The following DAB1 variants were observed in gnomAD, a reference collection of about 807,000 sequenced individuals.
The protein encoded by DAB1 is disabled homolog 1.
Under a neutral mutation model 64.6 loss-of-function variants are expected in DAB1, and 15 were observed. That is an observed-to-expected ratio of 0.23 (90% CI 0.16 to 0.36). DAB1 has a LOEUF of 0.36. DAB1 is among the 10% of genes least tolerant of loss of function. The pLI is 1.00. For missense variants in DAB1, 596 were observed against 706.7 expected, an observed-to-expected ratio of 0.84 and a Z score of 1.78; for synonymous variants, 235 against 251.9, an observed-to-expected ratio of 0.93 and a Z score of 0.64.
intron 3 of DAB1, among the ~76,000 whole-genome samples, chr1:58,346,256 C>G (rs1267370801): frequency 6.6e-6 from 1 of 152,238 alleles, no homozygotes; most frequent in Non-Finnish European, 1.5e-5. Flanking sequence ...GCCCCTGTGC[C>G]ATCACCCACT....
At chr1:58,197,963 G>C (rs893683156) in intron 4 of DAB1, among the ~76,000 whole-genome samples, 3 of 152,210 alleles carry the variant, frequency 2.0e-5, no homozygotes, top group Admixed American at 6.5e-5. Flanking sequence ...AAGTTTGATT[G>C]AGATTCCCAA....
intron 2 of DAB1, among the ~76,000 whole-genome samples, chr1:58,508,289 T>G (rs1393674736): frequency 6.6e-6 from 1 of 152,178 alleles, no homozygotes; most frequent in African/African-American, 2.4e-5. Flanking sequence ...ATGAGTATTT[T>G]ATTTACATTT....
In DAB1 at chr1:58,207,792, G is replaced by GA. The variant is rs144872866; in HGVS notation, n.310-57205dup. Among the ~76,000 whole-genome samples, 300 of 152,006 alleles carry GA rather than the reference G, an allele frequency of 2.0e-3. 1 individual carries two copies. Among genetic ancestry groups the GA allele is most frequent in the Admixed American group, 4.0e-3 (61 of 15,284 alleles). On this transcript the variant is annotated intron_variant and non_coding_transcript_variant, in intron 4 of 20. Coordinates refer to the DAB1 transcript ENST00000485760. The stretch of plus-strand genomic sequence containing the variant: ...TCTGTCCTGAAAAGACATATTTCAT[G>GA]AAAAAAAATGCAATCTTAGAGTCTG...
chr1:57,924,538 C>A (rs1458407526), intron 5 of DAB1, among the ~76,000 whole-genome samples: 5 of 151,910 alleles, frequency 3.3e-5, no homozygotes, highest in Admixed American at 2.6e-4. Flanking sequence ...CGGCTCACTG[C>A]AACCTCTGCC....
intron 4 of DAB1, among the ~76,000 whole-genome samples, chr1:58,238,466 A>T (rs55933036): frequency 0.017 from 2,517 of 152,280 alleles, 69 homozygotes; most frequent in African/African-American, 0.057. Flanking sequence ...GAATAGATGG[A>T]GTCCAGAGGA....
chr1:58,383,583 C>A (rs1179443731), intron 3 of DAB1, among the ~76,000 whole-genome samples: 1 of 150,588 alleles, frequency 6.6e-6, no homozygotes, highest in East Asian at 1.9e-4. Flanking sequence ...TGGTTTCATA[C>A]ATACATTTTT....
chr1:57,447,415 C>A (rs1686182509), intron 7 of DAB1, among the ~76,000 whole-genome samples: 1 of 152,194 alleles, frequency 6.6e-6, no homozygotes, highest in Non-Finnish European at 1.5e-5. Context: ...GCAGACTTAT[C>A]TCTCTCTGGG....
chr1:58,496,769 A>C (rs577996256), intron 3 of DAB1, among the ~76,000 whole-genome samples: 4 of 152,318 alleles, frequency 2.6e-5, no homozygotes, highest in African/African-American at 9.6e-5. Context: ...GAATAAGATA[A>C]AAGTGTCTGC....
intron 2 of DAB1, among the ~76,000 whole-genome samples, chr1:57,210,819 G>A (rs568036703): frequency 2.0e-5 from 3 of 152,304 alleles, no homozygotes; most frequent in East Asian, 3.9e-4. Flanking sequence ...ATTTAAAAAC[G>A]GGGCCAGATG....
At chr1:57,989,231 G>C (rs889244140) in intron 5 of DAB1, among the ~76,000 whole-genome samples, 3 of 152,088 alleles carry the variant, frequency 2.0e-5, no homozygotes, top group Admixed American at 2.0e-4. Flanking sequence ...GAGCCTGATA[G>C]GTAATTACCT....
At chr1:57,412,050 T>C (rs1684156009) in intron 1 of DAB1, among the ~76,000 whole-genome samples, 1 of 152,232 alleles carries the variant, frequency 6.6e-6, no homozygotes, top group Non-Finnish European at 1.5e-5. Context: ...GCTTCAAGCG[T>C]TTTCATTATT....
intron 2 of DAB1, among the ~76,000 whole-genome samples, chr1:57,206,866 G>T (rs528869063): frequency 2.0e-5 from 3 of 150,744 alleles, no homozygotes; most frequent in Non-Finnish European, 4.4e-5. Flanking sequence ...GGGTGTGAGT[G>T]TTATGCCATG....
intron 7 of DAB1, among the ~76,000 whole-genome samples, chr1:57,522,737 T>C (rs1049925310): frequency 2.6e-5 from 4 of 152,208 alleles, no homozygotes; most frequent in African/African-American, 9.6e-5. Flanking sequence ...TTTGAGTCAG[T>C]AGACTGGGAG....
chr1:57,266,579 A>G (rs1570105668), intron 2 of DAB1, among the ~76,000 whole-genome samples: 1 of 152,174 alleles, frequency 6.6e-6, no homozygotes, highest in African/African-American at 2.4e-5. Flanking sequence ...GGTGCTTATC[A>G]TACTGGACTA....
intron 7 of DAB1, among the ~76,000 whole-genome samples, chr1:57,519,801 C>G (rs1472148235): frequency 6.6e-6 from 1 of 152,120 alleles, no homozygotes; most frequent in African/African-American, 2.4e-5. Flanking sequence ...GGAATATAAT[C>G]CCCCGGCACT....
At chr1:57,048,204 G>T (rs1361783224) in intron 9 of DAB1, among the ~76,000 whole-genome samples, 1 of 152,132 alleles carries the variant, frequency 6.6e-6, no homozygotes, top group Non-Finnish European at 1.5e-5. Context: ...AAATAGTCAG[G>T]CTGCAAAGCT....
chr1:57,067,045 C>G (rs1650984255), intron 8 of DAB1, among the ~76,000 whole-genome samples: 1 of 152,122 alleles, frequency 6.6e-6, no homozygotes, highest in Admixed American at 6.6e-5. Context: ...ATAGCAGCCC[C>G]TTAAAAGCCC....
At chr1:58,211,141 A>G (rs1187374986) in intron 4 of DAB1, among the ~76,000 whole-genome samples, 1 of 152,096 alleles carries the variant, frequency 6.6e-6, no homozygotes, top group Non-Finnish European at 1.5e-5. Flanking sequence ...TGGTAAGAAC[A>G]TCGGTCAGCT....
intron 7 of DAB1, among the ~76,000 whole-genome samples, chr1:57,547,625 C>T (rs569425630): frequency 5.9e-5 from 9 of 152,162 alleles, no homozygotes; most frequent in African/African-American, 1.9e-4. Flanking sequence ...CTATTGTGAA[C>T]GTATTTACTT....
Sources: allele counts gnomAD v4.1 joint callset (sites outside exome capture counted in the v4.1 genomes callset), GRCh38; gene constraint gnomAD v4.1.1; transcripts MANE v1.5; gene names NCBI Gene and HGNC (gene_info 2026-07-23, HGNC 2026-07-21).